The following CNTN1 variants were observed in gnomAD, a reference collection of about 807,000 sequenced individuals.
CNTN1 encodes contactin 1, also known as contactin-1.
Under a neutral mutation model 126.4 loss-of-function variants are expected in CNTN1, and 38 were observed. The ratio of observed to expected loss-of-function variants is 0.30; its 90% confidence interval spans 0.23 to 0.39. The LOEUF is 0.39. CNTN1 is among the 10% of genes least tolerant of loss of function. The pLI is 1.00. For synonymous variants in CNTN1, 413 were observed against 422.6 expected (o/e 0.98, Z 0.28); for missense variants, 1,009 against 1,248.4 (o/e 0.81, Z 2.89).
At chr12:40,836,218 A>G (rs1242193454) in intron 1 of CNTN1, among the ~76,000 whole-genome samples, 1 of 148,144 alleles carries the variant, frequency 6.8e-6, no homozygotes, top group African/African-American at 2.5e-5. Flanking sequence ...ATATGTATAT[A>G]TTGTATATAT....
chr12:40,911,798 A>G (rs1320002478), intron 3 of CNTN1, among the ~76,000 whole-genome samples: 2 of 152,158 alleles, frequency 1.3e-5, no homozygotes, highest in Admixed American at 6.5e-5. Context: ...CTTACACTAC[A>G]TGTCCAGAGT....
At chr12:40,720,950 A>AATATATATATATTATATTATAT (rs1555145165) in intron 1 of CNTN1, among the ~76,000 whole-genome samples, 1 of 150,420 alleles carries the variant, frequency 6.6e-6, no homozygotes, top group Non-Finnish European at 1.5e-5. Context: ...AAAAAAGAGA[A>AATATATATATATTATATTATAT]ATATATATAT....
At chr12:40,830,832 T>TACATATATATATATATATATATATATAC (rs1555165567) in intron 1 of CNTN1, among the ~76,000 whole-genome samples, 1 of 88,694 alleles carries the variant, frequency 1.1e-5, no homozygotes, top group Non-Finnish European at 2.2e-5. Flanking sequence ...TATATATATA[T>TACATATATATATATATATATATATATAC]ATACTCTTTA....
intron 16 of CNTN1, among the ~76,000 whole-genome samples, chr12:40,982,028 T>C (rs1947834117): frequency 6.6e-6 from 1 of 152,076 alleles, no homozygotes. Flanking sequence ...AAAATGCCTA[T>C]ATTTGTATTG....
intron 1 of CNTN1, among the ~76,000 whole-genome samples, chr12:40,773,714 T>TACACATATATATATATATATATATAC (rs1565716196): frequency 1.2e-4 from 5 of 42,052 alleles, no homozygotes; most frequent in African/African-American, 3.3e-4. Context: ...TATATATATA[T>TACACATATATATATATATATATATAC]ACACATATAT....
chr12:40,754,284 G>A lies in CNTN1; in HGVS notation c.-77+61692G>A, dbSNP rs74711010. 4.7e-4 allele frequency among the ~76,000 whole-genome samples: 71 copies of A among 152,122 alleles called. 1 individual carries two copies. Among genetic ancestry groups the A allele is most frequent in the African/African-American group, 1.7e-3 (69 of 41,516 alleles). On this transcript the variant is annotated intron_variant, in intron 1 of 23. Coordinates refer to ENST00000551295, the MANE Select transcript of CNTN1 (RefSeq NM_001843.4). ...TATAGTCATCCCTTGTATCTACAGGGAAATTGATTTCAGCACCGTTACAGG... is the reference window on the plus strand; with the variant it reads ...TATAGTCATCCCTTGTATCTACAGGAAAATTGATTTCAGCACCGTTACAGG...
intron 23 of CNTN1, among the ~76,000 whole-genome samples, chr12:41,045,536 A>G (rs1477317731): frequency 6.6e-6 from 1 of 152,166 alleles, no homozygotes; most frequent in Non-Finnish European, 1.5e-5. Flanking sequence ...CTTTAATGCC[A>G]TAGTAAGAGG....
At chr12:40,714,000 T>C (rs1316464307) in intron 1 of CNTN1, among the ~76,000 whole-genome samples, 7 of 152,070 alleles carry the variant, frequency 4.6e-5, no homozygotes, top group Admixed American at 4.6e-4. Context: ...ATTCTGCCGA[T>C]CACTGGAAAG....
intron 17 of CNTN1, among the ~76,000 whole-genome samples, chr12:41,007,295 T>C (rs988063551): frequency 6.6e-6 from 1 of 151,846 alleles, no homozygotes; most frequent in Admixed American, 6.6e-5. Context: ...CTCCTGACCT[T>C]GTGATCCGCC....
chr12:40,803,350 G>T (rs568077979), intron 1 of CNTN1, among the ~76,000 whole-genome samples: 1 of 151,946 alleles, frequency 6.6e-6, no homozygotes, highest in Non-Finnish European at 1.5e-5. Context: ...GGGAGGCATT[G>T]TCCCTGTAAA....
Position 41,016,682 on chromosome 12 carries a change from C to G in CNTN1, c.2185C>G (p.Pro729Ala), listed in dbSNP as rs772263322. The change falls in exon 19 of 24, where the codon CCT (proline) becomes GCT (alanine). Residue 729 changes from proline to alanine, a missense_variant and splice_region_variant. Physicochemically the swap from Pro to Ala is conservative, Grantham distance 27. Coordinates refer to ENST00000551295, the MANE Select transcript of CNTN1 (RefSeq NM_001843.4). The stretch of plus-strand genomic sequence containing the variant: ...ACTCAATCTTTTAATTTCTATTTAG[C>G]CTTTGTCAAGAGAATACCACTATGG... The part of the protein sequence containing the change: ...RNRELTITWA[P>A]LSREYHYGNN... 6.3e-7 allele frequency: 1 copy of G among 1,596,208 alleles called. No homozygotes were observed. Among genetic ancestry groups the G allele is most frequent in the Non-Finnish European group, 8.6e-7 (1 of 1,163,930 alleles).
intron 1 of CNTN1, among the ~76,000 whole-genome samples, chr12:40,833,977 A>T (rs1414624366): frequency 6.6e-6 from 1 of 152,242 alleles, no homozygotes; most frequent in African/African-American, 2.4e-5. Context: ...TACACTACAC[A>T]TCCTAACAAA....
chr12:40,704,353 A>T (rs1334404971), intron 1 of CNTN1, among the ~76,000 whole-genome samples: 2 of 152,196 alleles, frequency 1.3e-5, no homozygotes, highest in African/African-American at 4.8e-5. Context: ...TATACTCTCC[A>T]AATTATCTTT....
intron 16 of CNTN1, among the ~76,000 whole-genome samples, chr12:40,991,982 A>G (rs1017371801): frequency 6.6e-6 from 1 of 152,224 alleles, no homozygotes. Flanking sequence ...ATTAAAACAA[A>G]CAGTTTCCGA....
At chr12:40,824,999 C>T (rs952291890) in intron 1 of CNTN1, among the ~76,000 whole-genome samples, 2 of 152,186 alleles carry the variant, frequency 1.3e-5, no homozygotes, top group Non-Finnish European at 2.9e-5. Context: ...GCATTACTCT[C>T]CAACAGTGTG....
chr12:40,724,142 T>C (rs910919617), intron 1 of CNTN1, among the ~76,000 whole-genome samples: 1 of 152,198 alleles, frequency 6.6e-6, no homozygotes, highest in Non-Finnish European at 1.5e-5. Context: ...AATTAGAACA[T>C]TTTTGAACCT....
chr12:40,701,020 C>T (rs1185612077), intron 1 of CNTN1, among the ~76,000 whole-genome samples: 1 of 152,194 alleles, frequency 6.6e-6, no homozygotes, highest in Non-Finnish European at 1.5e-5. Context: ...GATTGTCTGA[C>T]TCTGAAGTCC....
At chr12:40,929,627 A>T (rs1945812786) in intron 6 of CNTN1, among the ~76,000 whole-genome samples, 169 bp from the exon 7 acceptor site, 1 of 152,034 alleles carries the variant, frequency 6.6e-6, no homozygotes, top group Non-Finnish European at 1.5e-5. Context: ...ATTCATGTGA[A>T]ATATGGTACA....
intron 17 of CNTN1, among the ~76,000 whole-genome samples, chr12:41,002,013 T>G (rs1948371637): frequency 6.6e-6 from 1 of 152,184 alleles, no homozygotes; most frequent in African/African-American, 2.4e-5. Flanking sequence ...GTACCATGTT[T>G]TTTTTGATTA....
Sources: gnomAD v4.1 joint callset for allele counts (sites outside exome capture counted in the v4.1 genomes callset) on GRCh38, gnomAD v4.1.1 for gene constraint, MANE v1.5 for transcripts, NCBI Gene and HGNC (gene_info 2026-07-23, HGNC 2026-07-21) for gene names.